KCND2: variants seen among roughly 807,000 people sequenced by gnomAD.
KCND2 encodes A-type voltage-gated potassium channel KCND2.
A neutral mutation model predicts 54.4 loss-of-function variants in KCND2; 16 were observed. The ratio of observed to expected loss-of-function variants is 0.29; its 90% CI spans 0.20 to 0.45. The LOEUF (loss-of-function observed/expected upper bound fraction) is 0.45. Among genes scored for constraint, KCND2 ranks in the 20% least tolerant of loss-of-function variants. The pLI is 1.00. For synonymous variants in KCND2, 317 were observed against 310.7 expected (o/e 1.02, Z -0.21); for missense variants, 486 against 824.2 (o/e 0.59, Z 5.02).
intron 1 of KCND2, among the ~76,000 whole-genome samples, chr7:120,579,783 A>C (rs1400621858): frequency 1.3e-5 from 2 of 152,156 alleles, no homozygotes; most frequent in Non-Finnish European, 2.9e-5. Flanking sequence ...ATAGTAAAAC[A>C]TTATACAATA....
intron 1 of KCND2, among the ~76,000 whole-genome samples, chr7:120,648,379 G>T (rs1793467594): frequency 6.6e-6 from 1 of 152,142 alleles, no homozygotes; most frequent in Non-Finnish European, 1.5e-5. Flanking sequence ...AAATTATGTG[G>T]AGTAGTAGGT....
At chr7:120,457,186 G>T (rs1358569154) in intron 1 of KCND2, among the ~76,000 whole-genome samples, 2 of 152,216 alleles carry the variant, frequency 1.3e-5, no homozygotes, top group East Asian at 1.9e-4. Context: ...TAGGCCTCTG[G>T]GTCTGTGAAG....
chr7:120,329,506 TA>T (rs1382917242), intron 1 of KCND2, among the ~76,000 whole-genome samples: 3 of 152,174 alleles, frequency 2.0e-5, no homozygotes, highest in African/African-American at 2.4e-5. Context: ...ATGCTATTTT[TA>T]TTAAAATGAT....
chr7:120,464,840 C>T (rs180768517), intron 1 of KCND2, among the ~76,000 whole-genome samples: 21 of 152,294 alleles, frequency 1.4e-4, no homozygotes, highest in African/African-American at 5.1e-4. Context: ...CCAGCAACAG[C>T]ACTTGGAGCC....
At chr7:120,627,958 A>C (rs1378894894) in intron 1 of KCND2, among the ~76,000 whole-genome samples, 1 of 152,124 alleles carries the variant, frequency 6.6e-6, no homozygotes, top group East Asian at 1.9e-4. Context: ...TAAGGAGTCT[A>C]ATATTAAGGC....
chr7:120,277,607 G>T (rs750700950), intron 1 of KCND2, among the ~76,000 whole-genome samples: 16 of 151,952 alleles, frequency 1.1e-4, no homozygotes, highest in Non-Finnish European at 2.2e-4. Flanking sequence ...GGTATAAAAA[G>T]AATGTTGATG....
At chr7:120,711,871 G>A (rs1342300304) in intron 1 of KCND2, among the ~76,000 whole-genome samples, 2 of 152,068 alleles carry the variant, frequency 1.3e-5, no homozygotes, top group Non-Finnish European at 2.9e-5. Flanking sequence ...TAAATACTGG[G>A]TGATAATCAG....
chr7:120,406,001 T>G (rs10488291), intron 1 of KCND2, among the ~76,000 whole-genome samples: 1 of 151,762 alleles, frequency 6.6e-6, no homozygotes, highest in Admixed American at 6.6e-5. Flanking sequence ...TTCTCAGTTA[T>G]GTGTTTTCAG....
intron 1 of KCND2, among the ~76,000 whole-genome samples, chr7:120,474,605 C>A (rs571811406): frequency 1.3e-5 from 2 of 151,550 alleles, no homozygotes; most frequent in East Asian, 1.9e-4. Context: ...CTCAGGTTAT[C>A]CACCTGCCTC....
At chr7:120,354,271 G>T (rs1029305114) in intron 1 of KCND2, among the ~76,000 whole-genome samples, 3 of 152,068 alleles carry the variant, frequency 2.0e-5, no homozygotes, top group African/African-American at 7.2e-5. Context: ...CAATATTCAA[G>T]GACTTTTTTG....
chr7:120,690,025 T>C (rs1792250280), intron 1 of KCND2, among the ~76,000 whole-genome samples: 1 of 152,206 alleles, frequency 6.6e-6, no homozygotes, highest in African/African-American at 2.4e-5. Flanking sequence ...CCCTTTCTGA[T>C]TTCTGATTTT....
chr7:120,471,762 G>C (rs1422639907), intron 1 of KCND2, among the ~76,000 whole-genome samples: 2 of 152,004 alleles, frequency 1.3e-5, no homozygotes, highest in African/African-American at 4.8e-5. Context: ...CTTAATTACA[G>C]AGTACTAGAG....
At chr7:120,665,634 A>AGAATT (rs1791917589) in intron 1 of KCND2, among the ~76,000 whole-genome samples, 1 of 152,044 alleles carries the variant, frequency 6.6e-6, no homozygotes, top group Non-Finnish European at 1.5e-5. Context: ...AGGAAGAAGG[A>AGAATT]GAATTGGGAG....
intron 1 of KCND2, among the ~76,000 whole-genome samples, chr7:120,517,130 G>A (rs1803207627): frequency 6.6e-6 from 1 of 152,020 alleles, no homozygotes; most frequent in African/African-American, 2.4e-5. Context: ...TTTTATTAAA[G>A]TAACCTCATT....
intron 1 of KCND2, among the ~76,000 whole-genome samples, chr7:120,368,893 A>G (rs1313469306): frequency 6.6e-6 from 1 of 152,128 alleles, no homozygotes; most frequent in African/African-American, 2.4e-5. Flanking sequence ...TTTTACTTCA[A>G]ACATTTTTAC....
chr7:120,709,576 A>G (rs562693295), intron 1 of KCND2, among the ~76,000 whole-genome samples: 3 of 152,160 alleles, frequency 2.0e-5, no homozygotes, highest in Non-Finnish European at 4.4e-5. Flanking sequence ...CCTCTCCTCT[A>G]TGTCGTCATT....
intron 1 of KCND2, among the ~76,000 whole-genome samples, chr7:120,660,495 C>G (rs904335570): frequency 6.6e-6 from 1 of 152,124 alleles, no homozygotes; most frequent in Admixed American, 6.6e-5. Context: ...ATAGAAATAA[C>G]TTTTATGTTA....
intron 1 of KCND2, among the ~76,000 whole-genome samples, chr7:120,300,882 T>C (rs1410059932): frequency 3.9e-5 from 6 of 152,114 alleles, no homozygotes. Context: ...ACTGAACTTT[T>C]AGGTCAAGAA....
intron 1 of KCND2, among the ~76,000 whole-genome samples, chr7:120,372,450 A>C (rs1800778186): frequency 8.9e-6 from 1 of 112,212 alleles, no homozygotes; most frequent in African/African-American, 3.3e-5. Context: ...TGCTTTTTTA[A>C]AAATCTGAAT....
Sources: gnomAD v4.1 joint callset for allele counts (sites outside exome capture counted in the v4.1 genomes callset) on GRCh38, gnomAD v4.1.1 for gene constraint, MANE v1.5 for transcripts, NCBI Gene and HGNC (gene_info 2026-07-23, HGNC 2026-07-21) for gene names.